The following PPP2R2B variants were observed in gnomAD, a reference collection of about 807,000 sequenced individuals.
PPP2R2B encodes serine/threonine-protein phosphatase 2A 55 kDa regulatory subunit B beta isoform.
PPP2R2B carries 5 observed loss-of-function variants against 46.0 expected under a neutral mutation model. The observed-to-expected ratio is 0.11, with a 90% CI of 0.06 to 0.23. The LOEUF (loss-of-function observed/expected upper bound fraction) is 0.23, where lower values mean the gene tolerates loss of function less well. Among genes scored for constraint, PPP2R2B ranks in the 10% least tolerant of loss-of-function variants. The probability of loss-of-function intolerance (pLI) is 1.00; values close to 1 mark genes in which losing one functional copy is unlikely to be tolerated. For synonymous variants in PPP2R2B, 215 were observed against 206.7 expected (o/e 1.04, Z -0.34); for missense variants, 367 against 575.0 (o/e 0.64, Z 3.70).
upstream of PPP2R2B, among the ~76,000 whole-genome samples, chr5:146,880,878 T>C (rs528314385): frequency 1.8e-3 from 275 of 152,356 alleles, 1 homozygote; most frequent in African/African-American, 6.4e-3. Flanking sequence ...TGGATAGGTC[T>C]CCATTGTTTA....
chr5:146,985,880 A>G (rs1370499599), intron 1 of PPP2R2B, among the ~76,000 whole-genome samples: 5 of 152,240 alleles, frequency 3.3e-5, no homozygotes, highest in African/African-American at 1.2e-4. Flanking sequence ...TGTGGGATAC[A>G]AAATCACAAA....
At chr5:146,822,620 T>C (rs1758338742) in intron 2 of PPP2R2B, among the ~76,000 whole-genome samples, 1 of 151,646 alleles carries the variant, frequency 6.6e-6, no homozygotes, top group African/African-American at 2.4e-5. Flanking sequence ...ACTCTCTATA[T>C]CCTTAACTTG....
At chr5:146,644,972 G>C (rs2007342) in intron 6 of PPP2R2B, among the ~76,000 whole-genome samples, 3,933 of 152,248 alleles carry the variant, frequency 0.026, 162 homozygotes, top group African/African-American at 0.09. Context: ...GAGGATAAGA[G>C]AGCCAAGTAG....
intron 2 of PPP2R2B, chr5:146,856,431 G>T: frequency 8.3e-7 from 1 of 1,198,542 alleles, no homozygotes; most frequent in Non-Finnish European, 1.2e-6. Context: ...TTAAGCAATT[G>T]GAACTATTTA....
chr5:146,748,151 C>T (rs748794062), intron 2 of PPP2R2B, among the ~76,000 whole-genome samples: 4 of 152,138 alleles, frequency 2.6e-5, no homozygotes, highest in African/African-American at 7.2e-5. Flanking sequence ...CCCATTTAAC[C>T]GATGAGTAAC....
intron 1 of PPP2R2B, among the ~76,000 whole-genome samples, chr5:146,908,973 T>C (rs1334380896): frequency 1.3e-5 from 2 of 152,116 alleles, no homozygotes; most frequent in African/African-American, 4.8e-5. Flanking sequence ...GATCGTGTTT[T>C]TCATCCTGGG....
At chr5:147,017,064 A>G (rs1755041068) in intron 1 of PPP2R2B, among the ~76,000 whole-genome samples, 1 of 151,608 alleles carries the variant, frequency 6.6e-6, no homozygotes, top group Non-Finnish European at 1.5e-5. Context: ...GCTAGATCTG[A>G]GGAATACAAG....
upstream of PPP2R2B, among the ~76,000 whole-genome samples, chr5:147,057,961 T>G (rs1266731071): frequency 6.6e-6 from 1 of 152,214 alleles, no homozygotes; most frequent in Non-Finnish European, 1.5e-5. Context: ...TTGTAAGTGC[T>G]TCCTAATTTT....
chr5:147,044,431 C>T (rs770364947), intron 1 of PPP2R2B, among the ~76,000 whole-genome samples: 2 of 152,096 alleles, frequency 1.3e-5, no homozygotes, highest in Non-Finnish European at 2.9e-5. Context: ...ATAATTCTTT[C>T]TAATGGGATG....
intron 1 of PPP2R2B, among the ~76,000 whole-genome samples, chr5:147,011,003 G>C (rs755449316): frequency 6.6e-6 from 1 of 152,102 alleles, no homozygotes; most frequent in Non-Finnish European, 1.5e-5. Context: ...CCCTCCAGTG[G>C]CTGCCCACGT....
chr5:147,024,195 C>CTATT (rs1383924149), intron 1 of PPP2R2B, among the ~76,000 whole-genome samples: 1 of 152,014 alleles, frequency 6.6e-6, no homozygotes, highest in Non-Finnish European at 1.5e-5. Context: ...ATCTATCTAT[C>CTATT]TATCTATCAC....
At chr5:146,748,167 G>A (rs1026719762) in intron 2 of PPP2R2B, among the ~76,000 whole-genome samples, 1 of 152,242 alleles carries the variant, frequency 6.6e-6, no homozygotes, top group South Asian at 2.1e-4. Context: ...GTAACCTGAG[G>A]CCCCAAGAGG....
At chr5:146,701,012 G>C in intron 3 of PPP2R2B, 33 bp downstream of exon 3, 1 of 1,549,164 alleles carries the variant, frequency 6.5e-7, no homozygotes, top group Non-Finnish European at 8.9e-7. Context: ...AAAAAGTGAA[G>C]AAAATGGGCA....
intron 2 of PPP2R2B, among the ~76,000 whole-genome samples, chr5:146,767,879 G>A (rs1000919696): frequency 2.6e-5 from 4 of 152,058 alleles, no homozygotes; most frequent in Non-Finnish European, 5.9e-5. Context: ...AATGATCTGT[G>A]CCTAACCTAT....
At chr5:146,757,355 C>T (rs1248089232) in intron 2 of PPP2R2B, among the ~76,000 whole-genome samples, 1 of 152,104 alleles carries the variant, frequency 6.6e-6, no homozygotes, top group Non-Finnish European at 1.5e-5. Context: ...CTATTGCATA[C>T]ACATATTTAA....
chr5:146,787,456 G>A (rs949721631), intron 2 of PPP2R2B, among the ~76,000 whole-genome samples: 2 of 152,230 alleles, frequency 1.3e-5, no homozygotes, highest in Admixed American at 1.3e-4. Context: ...CTTCTGTAGG[G>A]AGAGTTCAGA....
At chr5:146,890,846 T>G (rs899076348) in intron 1 of PPP2R2B, among the ~76,000 whole-genome samples, 1 of 152,106 alleles carries the variant, frequency 6.6e-6, no homozygotes, top group African/African-American at 2.4e-5. Context: ...GGATCATAGA[T>G]CCTTTTGAGA....
At position 146,802,185 on chromosome 5, in the gene PPP2R2B, G is replaced by A. The variant is rs180744582; in HGVS notation, c.70+75817C>T. On this transcript the variant is annotated intron_variant, in intron 2 of 9. Coordinates refer to ENST00000394411, the MANE Select transcript of PPP2R2B (RefSeq NM_181675.4). ...TTTCATGCTCTAGTCCCAGTTTCACGCCCCCTTTTCTCGCATCCAGAGTCT... is the reference window on the plus strand; with the variant it reads ...TTTCATGCTCTAGTCCCAGTTTCACACCCCCTTTTCTCGCATCCAGAGTCT... Among the ~76,000 whole-genome samples, 26 of 152,202 alleles carry A rather than the reference G, an allele frequency of 1.7e-4. 1 individual carries two copies. Among genetic ancestry groups the A allele is most frequent in the African/African-American group, 5.1e-4 (21 of 41,528 alleles).
At chr5:146,846,698 T>C (rs771664957) in intron 2 of PPP2R2B, among the ~76,000 whole-genome samples, 13 of 152,110 alleles carry the variant, frequency 8.5e-5, no homozygotes, top group African/African-American at 1.2e-4. Context: ...ATTAATTTTA[T>C]CTGTATTCTT....
Sources: gnomAD v4.1 joint callset for allele counts (sites outside exome capture counted in the v4.1 genomes callset) on GRCh38, gnomAD v4.1.1 for gene constraint, MANE v1.5 for transcripts, NCBI Gene and HGNC (gene_info 2026-07-23, HGNC 2026-07-21) for gene names.